The following KCND2 variants were observed in gnomAD, a reference collection of about 807,000 sequenced individuals.
KCND2 encodes potassium voltage-gated channel subfamily D member 2.
A neutral mutation model predicts 54.4 loss-of-function variants in KCND2; 16 were observed. That is an observed-to-expected ratio of 0.29 (90% CI 0.20 to 0.45). The LOEUF (loss-of-function observed/expected upper bound fraction) is 0.45, where lower values mean the gene tolerates loss of function less well. Ranked by LOEUF, KCND2 falls within the 20% of genes least tolerant of loss-of-function variation. KCND2 has a pLI of 1.00. For missense variants in KCND2, 486 were observed against 824.2 expected (o/e 0.59, Z 5.02); for synonymous variants, 317 against 310.7 (o/e 1.02, Z -0.21).
intron 1 of KCND2, among the ~76,000 whole-genome samples, chr7:120,521,868 G>C (rs912495401): frequency 1.3e-5 from 2 of 152,086 alleles, no homozygotes; most frequent in East Asian, 3.9e-4. Flanking sequence ...TGGGTAGGTT[G>C]GGAGAAAACT....
intron 1 of KCND2, among the ~76,000 whole-genome samples, chr7:120,658,897 C>T (rs896191491): frequency 6.6e-5 from 10 of 152,108 alleles, no homozygotes; most frequent in Admixed American, 3.9e-4. Context: ...TGGTCTATAC[C>T]GGCAGAACTG....
chr7:120,454,603 C>A (rs1045785231), intron 1 of KCND2, among the ~76,000 whole-genome samples: 1 of 152,090 alleles, frequency 6.6e-6, no homozygotes, highest in Non-Finnish European at 1.5e-5. Context: ...GATGGATTCA[C>A]TGCCAAATTC....
At chr7:120,449,328 C>CAAAAA (rs58305865) in intron 1 of KCND2, among the ~76,000 whole-genome samples, 35 of 125,470 alleles carry the variant, frequency 2.8e-4, no homozygotes, top group African/African-American at 9.3e-4. Flanking sequence ...GACTCCGTCT[C>CAAAAA]AAAAAAAAAA....
intron 1 of KCND2, among the ~76,000 whole-genome samples, chr7:120,604,602 G>C (rs1327429434): frequency 6.6e-6 from 1 of 150,996 alleles, no homozygotes; most frequent in Non-Finnish European, 1.5e-5. Flanking sequence ...ATCCAATTTA[G>C]ATTCAGTGTT....
At chr7:120,357,662 A>G (rs966982299) in intron 1 of KCND2, among the ~76,000 whole-genome samples, 1 of 152,070 alleles carries the variant, frequency 6.6e-6, no homozygotes, top group African/African-American at 2.4e-5. Flanking sequence ...CAGGCCTGCC[A>G]TAACAAACCA....
intron 1 of KCND2, among the ~76,000 whole-genome samples, chr7:120,476,441 A>G (rs1397546475): frequency 6.6e-6 from 1 of 152,226 alleles, no homozygotes; most frequent in Non-Finnish European, 1.5e-5. Flanking sequence ...AGGCACTTTC[A>G]AATACATGTC....
chr7:120,620,828 C>G (rs1584857175), intron 1 of KCND2, among the ~76,000 whole-genome samples: 1 of 152,082 alleles, frequency 6.6e-6, no homozygotes, highest in South Asian at 2.1e-4. Context: ...TGCAGGAACT[C>G]AAGACACTGG....
chr7:120,367,184 A>G (rs1251664087), intron 1 of KCND2, among the ~76,000 whole-genome samples: 11 of 152,100 alleles, frequency 7.2e-5, no homozygotes, highest in African/African-American at 2.7e-4. Flanking sequence ...CATGGGAGTA[A>G]AGGAACTTGT....
intron 1 of KCND2, among the ~76,000 whole-genome samples, chr7:120,610,151 G>A (rs938018184): frequency 6.1e-4 from 92 of 152,022 alleles, no homozygotes; most frequent in African/African-American, 2.0e-3. Flanking sequence ...GAAGATGTCC[G>A]ATTTTATTGC....
At chr7:120,302,486 G>A (rs1257411435) in intron 1 of KCND2, among the ~76,000 whole-genome samples, 1 of 152,046 alleles carries the variant, frequency 6.6e-6, no homozygotes, top group African/African-American at 2.4e-5. Context: ...GCCCACACTA[G>A]CCTCAAACTC....
intron 1 of KCND2, among the ~76,000 whole-genome samples, chr7:120,554,630 G>A (rs1006967319): frequency 6.6e-6 from 1 of 151,966 alleles, no homozygotes. Context: ...GGATGGTGTC[G>A]ATCTCCTGAC....
intron 1 of KCND2, among the ~76,000 whole-genome samples, chr7:120,497,716 C>T (rs187064637): frequency 3.3e-5 from 5 of 152,236 alleles, no homozygotes; most frequent in East Asian, 1.9e-4. Context: ...TTACAGAGGT[C>T]GGAGCACTAG....
intron 1 of KCND2, among the ~76,000 whole-genome samples, chr7:120,577,328 A>G (rs548528949): frequency 1.3e-5 from 2 of 152,282 alleles, no homozygotes; most frequent in African/African-American, 2.4e-5. Flanking sequence ...TATTGCAGAA[A>G]ATTATTTTCA....
chr7:120,619,076 ACT>A (rs894119295), intron 1 of KCND2, among the ~76,000 whole-genome samples: 28 of 152,284 alleles, frequency 1.8e-4, no homozygotes, highest in African/African-American at 6.3e-4. Context: ...AATATTTGAG[ACT>A]CTGTACTACA....
intron 1 of KCND2, among the ~76,000 whole-genome samples, chr7:120,565,687 T>C (rs1333931409): frequency 6.6e-6 from 1 of 152,110 alleles, no homozygotes; most frequent in African/African-American, 2.4e-5. Context: ...ATTAAGTCAG[T>C]GAAAAAGTGT....
At chr7:120,398,156 CAT>C (rs1172204267) in intron 1 of KCND2, among the ~76,000 whole-genome samples, 12 of 128,104 alleles carry the variant, frequency 9.4e-5, no homozygotes, top group African/African-American at 2.6e-4. Flanking sequence ...TATGTATATA[CAT>C]ATATACACAC....
At chr7:120,481,081 A>T (rs756038408) in intron 1 of KCND2, among the ~76,000 whole-genome samples, 47 of 152,226 alleles carry the variant, frequency 3.1e-4, no homozygotes, top group Admixed American at 6.5e-5. Context: ...AGAACGCCAT[A>T]CCAATGCTGG....
intron 1 of KCND2, among the ~76,000 whole-genome samples, chr7:120,499,062 A>T (rs1357701187): frequency 6.6e-6 from 1 of 152,158 alleles, no homozygotes; most frequent in Non-Finnish European, 1.5e-5. Flanking sequence ...ATTTTAAATT[A>T]TGGGCAGGAA....
chr7:120,641,455 C>T (rs1397264537), intron 1 of KCND2, among the ~76,000 whole-genome samples: 1 of 152,096 alleles, frequency 6.6e-6, no homozygotes, highest in East Asian at 1.9e-4. Context: ...TTGTGTAAAT[C>T]ACATTGATAA....
Sources: allele counts gnomAD v4.1 joint callset (sites outside exome capture counted in the v4.1 genomes callset), GRCh38; gene constraint gnomAD v4.1.1; transcripts MANE v1.5; gene names NCBI Gene and HGNC (gene_info 2026-07-23, HGNC 2026-07-21).